PRKD1: variants seen among roughly 807,000 people sequenced by gnomAD.
PRKD1 encodes the protein protein kinase D1.
A neutral mutation model predicts 95.9 loss-of-function variants in PRKD1; 63 were observed. The observed-to-expected ratio is 0.66, with a 90% confidence interval of 0.54 to 0.81. The LOEUF is 0.81. Ranked by LOEUF, PRKD1 falls within the 30% of genes least tolerant of loss-of-function variation. The pLI, the probability that PRKD1 is intolerant of heterozygous loss-of-function variation, is 0.00. For missense variants in PRKD1, 1,048 were observed against 1,165.3 expected (o/e 0.90, Z 1.47); for synonymous variants, 425 against 423.1 (o/e 1.00, Z -0.05).
intron 2 of PRKD1, among the ~76,000 whole-genome samples, chr14:29,692,941 A>G (rs1429371226): frequency 6.6e-6 from 1 of 152,208 alleles, no homozygotes; most frequent in Non-Finnish European, 1.5e-5. Flanking sequence ...TCCACATATA[A>G]AGAAGTGAAG....
rs1391963214 is a variant in PRKD1 at position 29,636,234 on chromosome 14, G to T, written c.1190+56C>A. On this transcript the variant is annotated intron_variant, in intron 7 of 17. Coordinates refer to ENST00000331968, the MANE Select transcript of PRKD1 (RefSeq NM_002742.3). ...TATTAAAATATCAAAGAGGTTTAAA[G>T]AGAAAATACTGCCTGGGGTTCCCCT... 5 of 1,591,400 alleles carry T rather than the reference G, an allele frequency of 3.1e-6. No homozygotes were observed. In the East Asian group the frequency reaches 1.1e-4, roughly 36 times the overall value.
At chr14:29,787,906 A>T (rs566261779) in intron 1 of PRKD1, among the ~76,000 whole-genome samples, 1 of 151,990 alleles carries the variant, frequency 6.6e-6, no homozygotes, top group Non-Finnish European at 1.5e-5. Flanking sequence ...TATTTGCTTC[A>T]TTCCTTTATT....
chr14:29,605,357 T>C (rs1893666855), intron 13 of PRKD1, among the ~76,000 whole-genome samples: 1 of 152,188 alleles, frequency 6.6e-6, no homozygotes, highest in Admixed American at 6.5e-5. Flanking sequence ...TCTGCTTAAG[T>C]ATTTCTCCAG....
intron 1 of PRKD1, among the ~76,000 whole-genome samples, chr14:29,814,645 A>G (rs371247897): frequency 6.6e-6 from 1 of 151,668 alleles, no homozygotes. Flanking sequence ...AACCCTCTCC[A>G]CTCAGCTTAG....
chr14:29,838,295 A>T (rs1290262728), intron 1 of PRKD1, among the ~76,000 whole-genome samples: 2 of 152,174 alleles, frequency 1.3e-5, no homozygotes, highest in Non-Finnish European at 2.9e-5. Flanking sequence ...AATACAAAAT[A>T]GAAAACTGCA....
chr14:29,772,563 T>A (rs913221982), intron 1 of PRKD1, among the ~76,000 whole-genome samples: 1 of 152,248 alleles, frequency 6.6e-6, no homozygotes, highest in Admixed American at 6.5e-5. Flanking sequence ...TGTATGAGTA[T>A]ACATTTTTCT....
rs1250631507 is a variant in PRKD1, at chr14:29,826,850, T to C, written c.264+100399A>G. Among the ~76,000 whole-genome samples the C allele has an allele frequency of 9.0e-4, 79 of 87,684 alleles. 12 individuals are homozygous for C. The South Asian group carries it at 0.015, about 16-fold the overall frequency. The allele number at this position is 87,684 out of a possible 152,430, so 57.5% of individuals were successfully genotyped here. A position where few individuals can be genotyped will look rare whatever the true frequency, so the allele number is the denominator to read the frequency against. On this transcript the variant is annotated intron_variant, in intron 1 of 17. Transcript: ENST00000331968. ...ATATATATATATATACACACATATA[T>C]ATATATATATATATATATATATATA... is the stretch of plus-strand genomic sequence containing the variant.
At chr14:29,597,234 A>C (rs1158403365) in intron 16 of PRKD1, among the ~76,000 whole-genome samples, 1 of 152,132 alleles carries the variant, frequency 6.6e-6, no homozygotes, top group South Asian at 2.1e-4. Context: ...ATTAAGGTAT[A>C]AGTATTTATA....
At chr14:29,594,992 C>CTTT (rs113886267) in intron 16 of PRKD1, among the ~76,000 whole-genome samples, 12 of 145,786 alleles carry the variant, frequency 8.2e-5, no homozygotes, top group African/African-American at 2.8e-4. Flanking sequence ...AGCTAGGTAA[C>CTTT]TTTTTTTTTT....
intron 1 of PRKD1, among the ~76,000 whole-genome samples, chr14:29,896,326 A>G (rs1251478773): frequency 1.3e-5 from 2 of 151,864 alleles, no homozygotes; most frequent in South Asian, 4.2e-4. Flanking sequence ...AACGTTTCCC[A>G]ATTATAAGGT....
chr14:29,795,702 C>G (rs1438062471), intron 1 of PRKD1, among the ~76,000 whole-genome samples: 1 of 152,018 alleles, frequency 6.6e-6, no homozygotes, highest in African/African-American at 2.4e-5. Flanking sequence ...TCCCCAATTC[C>G]AGATATTAAA....
In PRKD1 at chr14:29,666,104, GC is replaced by G; in HGVS notation, c.507del (p.Leu170TrpfsTer13). ...FCDHCGEMLW[G>X]LVRQGLKCEG... Reference sequence around the variant, plus strand: ...TCACATTTAAGACCTTGACGTACCAGCCCCCACAGCATTTCTCCACAGTGAT... The same window carrying G: ...TCACATTTAAGACCTTGACGTACCAGCCCCACAGCATTTCTCCACAGTGAT... On this transcript the variant is annotated frameshift_variant, in exon 3 of 18. Coordinates refer to ENST00000331968, the MANE Select transcript of PRKD1 (RefSeq NM_002742.3). LOFTEE classifies it high-confidence loss of function. The G allele has an allele frequency of 6.3e-7, 1 of 1,596,584 alleles. No homozygotes were observed. The highest frequency in any genetic ancestry group is 8.6e-7 in the Non-Finnish European group (1 of 1,168,216).
intron 1 of PRKD1, among the ~76,000 whole-genome samples, chr14:29,736,450 G>A (rs1315451441): frequency 4.6e-5 from 7 of 152,144 alleles, no homozygotes; most frequent in Admixed American, 2.6e-4. Flanking sequence ...TCCCTAATTT[G>A]GTCATAATCA....
At chr14:29,676,200 T>G (rs1228957350) in intron 2 of PRKD1, among the ~76,000 whole-genome samples, 1 of 149,356 alleles carries the variant, frequency 6.7e-6, no homozygotes, top group African/African-American at 2.5e-5. Flanking sequence ...TTTTTTTTTT[T>G]TTTGCTGAGT....
chr14:29,779,036 C>A (rs535246362), intron 1 of PRKD1, among the ~76,000 whole-genome samples: 28 of 152,256 alleles, frequency 1.8e-4, no homozygotes, highest in African/African-American at 6.7e-4. Context: ...AAGACAAAAA[C>A]CACATGATTA....
intron 1 of PRKD1, among the ~76,000 whole-genome samples, chr14:29,769,984 G>A (rs1006501063): frequency 6.6e-6 from 1 of 152,180 alleles, no homozygotes; most frequent in African/African-American, 2.4e-5. Context: ...ATTAGGTCAT[G>A]AGGGTGGAGC....
At chr14:29,793,564 T>A (rs990784157) in intron 1 of PRKD1, among the ~76,000 whole-genome samples, 4 of 152,124 alleles carry the variant, frequency 2.6e-5, no homozygotes, top group African/African-American at 9.7e-5. Flanking sequence ...CAATTTGGTT[T>A]CTTACATTGA....
chr14:29,803,111 T>C (rs919097884), intron 1 of PRKD1, among the ~76,000 whole-genome samples: 44 of 152,154 alleles, frequency 2.9e-4, no homozygotes, highest in African/African-American at 1.0e-3. Flanking sequence ...GGTTCATACC[T>C]GAGTGTTCAG....
Position 29,577,112 on chromosome 14 carries a change from C to T in PRKD1, c.*126G>A. ...TGGCAACTCAGATACATCAACAGTGCTAACAGTTTAACAGCTTTGTTCTCA... is the reference window on the plus strand; with the variant it reads ...TGGCAACTCAGATACATCAACAGTGTTAACAGTTTAACAGCTTTGTTCTCA... On this transcript the variant is annotated 3_prime_UTR_variant, in exon 18 of 18. Coordinates refer to ENST00000331968, the MANE Select transcript of PRKD1 (RefSeq NM_002742.3). 2 of 987,470 alleles carry T rather than the reference C, an allele frequency of 2.0e-6. No homozygotes were observed. Among genetic ancestry groups the T allele is most frequent in the Non-Finnish European group, 3.0e-6 (2 of 661,130 alleles). 61.2% of individuals were successfully genotyped at this position (987,470 alleles called of 1,614,324 possible). A position where few individuals can be genotyped will look rare whatever the true frequency, so the allele number is the denominator to read the frequency against.
Sources: gnomAD v4.1 joint callset for allele counts (sites outside exome capture counted in the v4.1 genomes callset) on GRCh38, gnomAD v4.1.1 for gene constraint, MANE v1.5 for transcripts, NCBI Gene and HGNC (gene_info 2026-07-23, HGNC 2026-07-21) for gene names.